The following STXBP4 variants were observed in gnomAD, a reference collection of about 807,000 sequenced individuals.
STXBP4 encodes syntaxin binding protein 4.
In STXBP4, 55 loss-of-function variants were observed where a neutral mutation model predicts 76.1. The ratio of observed to expected loss-of-function variants is 0.72; its 90% CI spans 0.58 to 0.91. The LOEUF (loss-of-function observed/expected upper bound fraction) is 0.91. Among genes scored for constraint, STXBP4 ranks in the 40% least tolerant of loss-of-function variants. STXBP4 has a pLI of 0.00. For synonymous variants in STXBP4, 201 were observed against 220.2 expected (o/e 0.91, Z 0.77); for missense variants, 618 against 636.9 (o/e 0.97, Z 0.32).
At chr17:55,073,249 CT>C (rs1203034092) in intron 13 of STXBP4, among the ~76,000 whole-genome samples, 173 bp downstream of exon 13, 1 of 152,190 alleles carries the variant, frequency 6.6e-6, no homozygotes, top group East Asian at 1.9e-4. Flanking sequence ...TTGAGCCTTC[CT>C]TTATCCAGAT....
rs1567786749 is a variant in STXBP4, at chr17:55,159,825, C to T, written c.1576C>T (p.His526Tyr). ...NHVTQTTSWIHPVMSVLNLSR... is the reference protein window; with the variant it reads ...NHVTQTTSWIYPVMSVLNLSR... ...TGTAACACAGACTACATCCTGGATC[C>T]ATCCCGTGATGAGTGTCCTGAATCT... The change falls in exon 18 of 18, where the codon CAT becomes TAT. Residue 526 changes from histidine (H) to tyrosine (Y), a missense_variant. His to Tyr is a moderately conservative substitution (Grantham distance 83). Coordinates refer to ENST00000376352, the MANE Select transcript of STXBP4 (RefSeq NM_178509.6). 1.2e-6 allele frequency: 2 copies of T among 1,613,184 alleles called. No homozygotes were observed. The highest frequency in any genetic ancestry group is 1.3e-5 in the African/African-American group (1 of 74,882).
rs761028167 is a variant in STXBP4, at chr17:55,159,881, C to T, written c.1632C>T (p.Cys544=). 6.2e-7 allele frequency: 1 copy of T among 1,613,468 alleles called. No individual in the cohort carries two copies. The highest frequency in any genetic ancestry group is 8.5e-7 in the Non-Finnish European group (1 of 1,179,554). Residue 544 remains cysteine (C), a synonymous_variant, in exon 18 of 18, where the codon TGC becomes TGT. Transcript: ENST00000376352. The stretch of plus-strand genomic sequence containing the variant: ...GCTCAGAGGAGAATGAAGAGGATTG[C>T]TCTAGAGAACTCCCCAACCAGAAAA... ...LSRSEENEED[C]SRELPNQKS
chr17:55,110,572 G>A (rs2012108423), intron 16 of STXBP4, among the ~76,000 whole-genome samples: 1 of 152,196 alleles, frequency 6.6e-6, no homozygotes, highest in South Asian at 2.1e-4. Flanking sequence ...AAGTTAGTTT[G>A]CTGACAGCTG....
At chr17:55,083,451 A>T (rs1197549148) in intron 16 of STXBP4, among the ~76,000 whole-genome samples, 2 of 152,206 alleles carry the variant, frequency 1.3e-5, no homozygotes, top group Non-Finnish European at 2.9e-5. Context: ...AACTATGTAC[A>T]TAGCACTTTT....
intron 16 of STXBP4, among the ~76,000 whole-genome samples, chr17:55,111,645 C>T (rs1186358275): frequency 6.6e-6 from 1 of 152,160 alleles, no homozygotes; most frequent in Non-Finnish European, 1.5e-5. Context: ...GTGTGACATA[C>T]CTGCTCCTGC....
At chr17:54,986,755 T>G (rs2077632437) in intron 3 of STXBP4, among the ~76,000 whole-genome samples, 1 of 152,226 alleles carries the variant, frequency 6.6e-6, no homozygotes, top group Admixed American at 6.5e-5. Flanking sequence ...AATTTGATAA[T>G]ATATAGATTA....
intron 7 of STXBP4, among the ~76,000 whole-genome samples, chr17:55,002,701 C>G (rs939935185): frequency 6.6e-6 from 1 of 152,184 alleles, no homozygotes; most frequent in Non-Finnish European, 1.5e-5. Flanking sequence ...AAGGAAGGCA[C>G]AGTGGTTACC....
intron 10 of STXBP4, among the ~76,000 whole-genome samples, chr17:55,039,198 C>CA (rs1258606620): frequency 6.6e-6 from 1 of 152,088 alleles, no homozygotes; most frequent in Non-Finnish European, 1.5e-5. Context: ...AAGCTTAGAA[C>CA]ATTCAGAAAA....
At chr17:54,974,675 G>T (rs2144279229) in intron 1 of STXBP4, among the ~76,000 whole-genome samples, 1 of 152,340 alleles carries the variant, frequency 6.6e-6, no homozygotes, top group Admixed American at 6.5e-5. Context: ...GCCCAGGAGG[G>T]TTCTTGGCTT....
intron 12 of STXBP4, among the ~76,000 whole-genome samples, chr17:55,059,591 A>G (rs1457040334): frequency 6.6e-6 from 1 of 152,132 alleles, no homozygotes; most frequent in Non-Finnish European, 1.5e-5. Flanking sequence ...AGTAGTGGCT[A>G]CTGTGATTGG....
chr17:54,974,152 A>G (rs984299225), intron 1 of STXBP4, among the ~76,000 whole-genome samples: 1 of 152,194 alleles, frequency 6.6e-6, no homozygotes, highest in Non-Finnish European at 1.5e-5. Context: ...TTTCCTGATA[A>G]AGCTCCTGAA....
chr17:55,211,799 G>GTTTTGT, the STXBP4 span, among the ~76,000 whole-genome samples: 2 of 48,980 alleles, frequency 4.1e-5, no homozygotes, highest in East Asian at 9.5e-4. Flanking sequence ...GTTTTTTGTT[G>GTTTTGT]TTTTTTTTTT....
chr17:55,043,638 C>T, intron 11 of STXBP4: 1 of 1,549,570 alleles, frequency 6.5e-7, no homozygotes, highest in Non-Finnish European at 8.7e-7. Context: ...AGATGAAGAG[C>T]CAATAAAGCA....
At position 55,021,274 on chromosome 17, in the gene STXBP4, C is replaced by T. The variant is rs112638913; in HGVS notation, c.667-9894C>T. On this transcript the variant is annotated intron_variant, in intron 8 of 17. Coordinates refer to ENST00000376352, the MANE Select transcript of STXBP4 (RefSeq NM_178509.6). ...TGGTGGCTTATGCCTGTAAATTCAG[C>T]ACTTTGGGAGGCCAAGGCAAGCAGA... Among the ~76,000 whole-genome samples the T allele has an allele frequency of 2.6e-4, 39 of 152,230 alleles. 2 individuals are homozygous for T. Among genetic ancestry groups the T allele is most frequent in the African/African-American group, 8.9e-4 (37 of 41,518 alleles).
intron 10 of STXBP4, among the ~76,000 whole-genome samples, chr17:55,034,982 T>G (rs1286251939): frequency 6.6e-6 from 1 of 152,056 alleles, no homozygotes; most frequent in Non-Finnish European, 1.5e-5. Context: ...TAATTTATGT[T>G]CTATATAATT....
intron 15 of STXBP4, 113 bp downstream of exon 15, chr17:55,078,848 C>CA (rs536148994): frequency 0.012 from 8,183 of 661,944 alleles, 94 homozygotes; most frequent in South Asian, 0.033. Flanking sequence ...TGCTACATAA[C>CA]TCCCATTGGA....
the STXBP4 span, among the ~76,000 whole-genome samples, chr17:55,198,208 C>G: frequency 6.6e-6 from 1 of 152,162 alleles, no homozygotes; most frequent in Non-Finnish European, 1.5e-5. Context: ...CTTTATGCAA[C>G]CAGTCAGAGA....
chr17:55,004,076 G>A (rs545242114), intron 7 of STXBP4, among the ~76,000 whole-genome samples: 26 of 152,044 alleles, frequency 1.7e-4, no homozygotes, highest in Non-Finnish European at 3.1e-4. Flanking sequence ...CTACTCGGGA[G>A]GCTAAGGCAG....
the STXBP4 span, among the ~76,000 whole-genome samples, chr17:55,199,650 C>T: frequency 1.3e-5 from 2 of 152,154 alleles, no homozygotes; most frequent in Admixed American, 1.3e-4. Context: ...TTATTTTATA[C>T]TTATATGTTC....
Sources: allele counts gnomAD v4.1 joint callset (sites outside exome capture counted in the v4.1 genomes callset), GRCh38; gene constraint gnomAD v4.1.1; transcripts MANE v1.5; gene names NCBI Gene and HGNC (gene_info 2026-07-23, HGNC 2026-07-21).